The following TPCN2 variants were observed in gnomAD, a reference collection of about 807,000 sequenced individuals.
TPCN2 encodes two pore segment channel 2.
A neutral mutation model predicts 111.4 loss-of-function variants in TPCN2; 92 were observed. That is an observed-to-expected ratio of 0.83 (90% CI 0.70 to 0.98). TPCN2 has a LOEUF of 0.98. Ranked by LOEUF, TPCN2 falls within the 50% of genes least tolerant of loss-of-function variation. The pLI is 0.00. For synonymous variants in TPCN2, 405 were observed against 414.5 expected, an observed-to-expected ratio of 0.98 and a Z score of 0.28; for missense variants, 995 against 980.1, an observed-to-expected ratio of 1.02 and a Z score of -0.20.
Position 69,078,996 on chromosome 11 carries a change from C to T in TPCN2, c.1515C>T (p.Asp505=), listed in dbSNP as rs775933455. ...GYLSYPSNVF[D]GLLTVVLLVL... The stretch of plus-strand genomic sequence containing the variant: ...TGTCCTACCCCAGCAACGTGTTTGA[C>T]GGGCTCCTCACCGTTGTCCTGCTGG... The change falls in exon 16 of 25, where the codon GAC becomes GAT. Residue 505 remains aspartate (D), a synonymous_variant. Coordinates refer to ENST00000294309, the MANE Select transcript of TPCN2 (RefSeq NM_139075.4). The T allele has an allele frequency of 1.7e-5, 28 of 1,613,078 alleles. No homozygotes were observed. In the Middle Eastern group the frequency reaches 4.9e-4, roughly 28 times the overall value.
intron 13 of TPCN2, among the ~76,000 whole-genome samples, chr11:69,077,852 T>G (rs2134615537): frequency 6.6e-6 from 1 of 152,338 alleles, no homozygotes; most frequent in Middle Eastern, 3.4e-3. Context: ...TTGAATTTTG[T>G]TGCATTGAAA....
chr11:69,087,117 C>G lies in TPCN2; in HGVS notation c.2091C>G (p.Phe697Leu), dbSNP rs769123031. 6.2e-7 allele frequency: 1 copy of G among 1,613,788 alleles called. No homozygotes were observed. The highest frequency in any genetic ancestry group is 1.7e-5 in the Admixed American group (1 of 60,012). The change falls in exon 24 of 25, where the codon TTC becomes TTG. Residue 697 changes from phenylalanine (F) to leucine (L), a missense_variant. By Grantham distance (22) the Phe-to-Leu change is conservative. Transcript: ENST00000294309. ...NLFLALILEN[F>L]LHKWDPRSHL... ...CCACTCCTCCTGCTTGCCAGAACTTCCTTCACAAGTGGGACCCCCGCAGCC... is the reference window on the plus strand; with the variant it reads ...CCACTCCTCCTGCTTGCCAGAACTTGCTTCACAAGTGGGACCCCCGCAGCC...
chr11:69,085,798 C>A, intron 21 of TPCN2, 46 bp downstream of exon 21: 1 of 1,612,826 alleles, frequency 6.2e-7, no homozygotes, highest in Non-Finnish European at 8.5e-7. Context: ...CGGGCTCCTC[C>A]CCTCCCTACC....
Position 69,048,995 on chromosome 11 carries a change from T to C in TPCN2, c.-3T>C. ...GGGTCGGGTCCAGCGCGTGGGCTGC[T>C]GGATGGCGGAACCCCAGGCGGAGTC... On this transcript the variant is annotated 5_prime_UTR_variant, in exon 1 of 25. Coordinates refer to ENST00000294309, the MANE Select transcript of TPCN2 (RefSeq NM_139075.4). The C allele has an allele frequency of 3.2e-6, 4 of 1,238,020 alleles. No individual in the cohort carries two copies. Among genetic ancestry groups the C allele is most frequent in the Non-Finnish European group, 3.0e-6 (3 of 987,610 alleles). 76.7% of individuals were successfully genotyped at this position (1,238,020 alleles called of 1,614,324 possible).
chr11:69,059,978 C>T (rs749248736), intron 5 of TPCN2, among the ~76,000 whole-genome samples: 12 of 152,226 alleles, frequency 7.9e-5, no homozygotes, highest in Non-Finnish European at 1.5e-4. Context: ...GGGAAGAGGC[C>T]TAGCTGCATC....
intron 18 of TPCN2, among the ~76,000 whole-genome samples, chr11:69,081,845 C>T (rs149237844): frequency 2.4e-4 from 37 of 152,248 alleles, no homozygotes; most frequent in Non-Finnish European, 4.6e-4. Flanking sequence ...CCATGGCTCC[C>T]AGGGTGCTAT....
Position 69,089,989 on chromosome 11 carries a change from A to G in TPCN2, c.*2036A>G, listed in dbSNP as rs1044141612. The G allele has an allele frequency of 1.2e-4, 18 of 152,052 alleles. No individual in the cohort carries two copies. Among genetic ancestry groups the G allele is most frequent in the African/African-American group, 4.3e-4 (18 of 41,386 alleles). The allele number at this position is 152,052 out of a possible 1,614,324, so 9.4% of individuals were successfully genotyped here. On this transcript the variant is annotated 3_prime_UTR_variant, in exon 25 of 25. Coordinates refer to ENST00000294309, the MANE Select transcript of TPCN2 (RefSeq NM_139075.4). ...TGGTGCAAAAAGATGTTCAAGCCTTATTTTATACTTGCCTGCCCCTTTCTC... is the reference window on the plus strand; with the variant it reads ...TGGTGCAAAAAGATGTTCAAGCCTTGTTTTATACTTGCCTGCCCCTTTCTC...
intron 17 of TPCN2, among the ~76,000 whole-genome samples, 192 bp downstream of exon 17, chr11:69,080,075 G>C (rs1039583068): frequency 6.6e-6 from 1 of 152,218 alleles, no homozygotes; most frequent in Non-Finnish European, 1.5e-5. Context: ...TCGCTCTGGG[G>C]GTCCTCTCTC....
In TPCN2 at chr11:69,087,075, G is replaced by A. The variant is rs367730549; in HGVS notation, c.2086-37G>A. On this transcript the variant is annotated intron_variant, in intron 23 of 24. Coordinates refer to ENST00000294309, the MANE Select transcript of TPCN2 (RefSeq NM_139075.4). Reference sequence around the variant, plus strand: ...GATGGGGCAAGGCTGCTTTCATTCGGGGCCCACACTCACTGGCCACTCCTC... The same window carrying A: ...GATGGGGCAAGGCTGCTTTCATTCGAGGCCCACACTCACTGGCCACTCCTC... 4.1e-4 allele frequency: 644 copies of A among 1,577,540 alleles called. 7 individuals carry two copies. Among genetic ancestry groups the A allele is most frequent in the South Asian group, 3.6e-3 (324 of 90,090 alleles).
intron 5 of TPCN2, among the ~76,000 whole-genome samples, chr11:69,062,451 G>A (rs375309295): frequency 2.6e-4 from 40 of 152,016 alleles, no homozygotes; most frequent in African/African-American, 9.2e-4. Context: ...TTGGAGATGG[G>A]GACACAAGGG....
chr11:69,054,138 G>T, intron 2 of TPCN2, 41 bp downstream of exon 2: 1 of 1,571,226 alleles, frequency 6.4e-7, no homozygotes, highest in Non-Finnish European at 8.7e-7. Context: ...CTGGGGGGTG[G>T]CCGCCCTCCG....
At chr11:69,081,559 C>A in intron 18 of TPCN2, 60 bp downstream of exon 18, 1 of 1,334,660 alleles carries the variant, frequency 7.5e-7, no homozygotes, top group Non-Finnish European at 1.0e-6. Flanking sequence ...CTGCGTTGCT[C>A]CAGGGTGGGT....
chr11:69,074,984 G>A (rs904067216), intron 13 of TPCN2, among the ~76,000 whole-genome samples: 15 of 152,190 alleles, frequency 9.9e-5, no homozygotes, highest in African/African-American at 3.1e-4. Context: ...TCCTCCTCCC[G>A]TGATGATGTG....
At chr11:69,069,987 C>T (rs1297511941) in intron 8 of TPCN2, among the ~76,000 whole-genome samples, 1 of 151,830 alleles carries the variant, frequency 6.6e-6, no homozygotes, top group Non-Finnish European at 1.5e-5. Flanking sequence ...AGGAGACCTC[C>T]TTTCTTTTTT....
chr11:69,060,897 A>G (rs1214970386), intron 5 of TPCN2, among the ~76,000 whole-genome samples: 1 of 152,236 alleles, frequency 6.6e-6, no homozygotes, highest in Non-Finnish European at 1.5e-5. Context: ...GGCAGGGGCC[A>G]GAGCCCTGAG....
At chr11:69,070,574 G>A (rs1855477548) in intron 9 of TPCN2, 79 bp downstream of exon 9, 2 of 1,072,730 alleles carry the variant, frequency 1.9e-6, no homozygotes, top group Non-Finnish European at 2.7e-6. Context: ...CTGCCTCCAC[G>A]ACCTGAAACT....
chr11:69,063,316 C>G lies in TPCN2; in HGVS notation c.653+326C>G, dbSNP rs1413340033. On this transcript the variant is annotated intron_variant, in intron 6 of 24. Coordinates refer to ENST00000294309, the MANE Select transcript of TPCN2 (RefSeq NM_139075.4). ...CTCTGTGGCTGTGCCCTGCCTCTCC[C>G]CTCTGCCGTCCCCTCCCACTCATGG... Among the ~76,000 whole-genome samples the G allele has an allele frequency of 2.0e-5, 3 of 152,044 alleles. No individual in the cohort carries two copies. The East Asian group carries it at 5.9e-4, about 30-fold the overall frequency.
chr11:69,057,615 T>G lies in TPCN2; in HGVS notation c.467T>G (p.Leu156Arg). 6.2e-7 allele frequency: 1 copy of G among 1,614,220 alleles called. No homozygotes were observed. The highest frequency in any genetic ancestry group is 8.5e-7 in the Non-Finnish European group (1 of 1,180,030). ...GGGTGGGCCCATTTCCAGAAAAACC[T>G]TTGGCTGCTGGGCTACCTCGTGGTG... ...LFGWAHFQKN[L>R]WLLGYLVVLV... The change falls in exon 5 of 25, where the codon CTT becomes CGT. Residue 156 changes from leucine to arginine, a missense_variant. Leu to Arg is a moderately radical substitution (Grantham distance 102). Coordinates refer to ENST00000294309, the MANE Select transcript of TPCN2 (RefSeq NM_139075.4).
At position 69,086,556 on chromosome 11, in the gene TPCN2, GGTGTC is replaced by G. The variant is rs767923649; in HGVS notation, c.2040_2044del (p.Ser681CysfsTer55). 6.2e-7 allele frequency: 1 copy of G among 1,613,972 alleles called. No individual in the cohort carries two copies. Among genetic ancestry groups the G allele is most frequent in the East Asian group, 2.2e-5 (1 of 44,882 alleles). ...AGATCTATTTTGTATTGTGGTGGCT[GGTGTC>G]GTCTGTCATCTGGGTCAACCTGTTT... On this transcript the variant is annotated frameshift_variant, in exon 23 of 25. Transcript: ENST00000294309. LOFTEE classifies it high-confidence loss of function.
Sources: allele counts gnomAD v4.1 joint callset (sites outside exome capture counted in the v4.1 genomes callset), GRCh38; gene constraint gnomAD v4.1.1; transcripts MANE v1.5; gene names NCBI Gene and HGNC (gene_info 2026-07-23, HGNC 2026-07-21).